The following CDH4 variants were observed in gnomAD, a reference collection of about 807,000 sequenced individuals.
CDH4 encodes cadherin 4.
Under a neutral mutation model 86.0 loss-of-function variants are expected in CDH4, and 33 were observed. The ratio of observed to expected loss-of-function variants is 0.38; its 90% CI spans 0.29 to 0.51. The LOEUF (loss-of-function observed/expected upper bound fraction) is 0.51. Among genes scored for constraint, CDH4 ranks in the 20% least tolerant of loss-of-function variants. The pLI is 0.86. For synonymous variants in CDH4, 555 were observed against 549.4 expected (o/e 1.01, Z -0.14); for missense variants, 1,114 against 1,307.4 (o/e 0.85, Z 2.28).
chr20:61,582,690 G>T lies in CDH4; in HGVS notation c.170-160873G>T, dbSNP rs1375184494. On this transcript the variant is annotated intron_variant, in intron 2 of 15. Transcript: ENST00000614565. The surrounding 1 kb of genome is among the most constrained non-coding windows in gnomAD (Gnocchi z 4.2). Reference sequence around the variant, plus strand: ...CAGGAGCCTGTCTTCTGAGGCTGGGGACACAAGCCAGCCCTGCAGGCTCCA... The same window carrying T: ...CAGGAGCCTGTCTTCTGAGGCTGGGTACACAAGCCAGCCCTGCAGGCTCCA... Among the ~76,000 whole-genome samples, 1 of 152,164 alleles carries T rather than the reference G, an allele frequency of 6.6e-6. No homozygotes were observed. The highest frequency in any genetic ancestry group is 1.5e-5 in the Non-Finnish European group (1 of 68,028).
chr20:61,335,647 G>T (rs2084612991), intron 2 of CDH4, among the ~76,000 whole-genome samples: 1 of 152,190 alleles, frequency 6.6e-6, no homozygotes, highest in African/African-American at 2.4e-5. Flanking sequence ...CGTGCAAATT[G>T]TCAGAAAACT....
rs1054043030 is a variant in CDH4, at chr20:61,663,361, C to T, written c.170-80202C>T. ...GGTGACGCTGGGGCAGGGGCTGCTG[C>T]GGACAAGCGTTGGGAGGCCTCTCTG... On this transcript the variant is annotated intron_variant, in intron 2 of 15. Coordinates refer to ENST00000614565, the MANE Select transcript of CDH4 (RefSeq NM_001794.5). The surrounding 1 kb of genome is among the most constrained non-coding windows in gnomAD (Gnocchi z 5.0). Among the ~76,000 whole-genome samples, 7 of 152,156 alleles carry T rather than the reference C, an allele frequency of 4.6e-5. No individual in the cohort carries two copies. The highest frequency in any genetic ancestry group is 1.4e-4 in the African/African-American group (6 of 41,428).
intron 2 of CDH4, among the ~76,000 whole-genome samples, chr20:61,598,357 G>A (rs1386052791): frequency 7.5e-6 from 1 of 132,846 alleles, no homozygotes; most frequent in Non-Finnish European, 1.6e-5. Context: ...CCCGGCCACT[G>A]TCACCTCAGG....
intron 4 of CDH4, among the ~76,000 whole-genome samples, chr20:61,814,089 G>C (rs73917522): frequency 6.6e-6 from 1 of 152,176 alleles, no homozygotes; most frequent in Non-Finnish European, 1.5e-5. Flanking sequence ...CATGTGCAGC[G>C]TGGGGAGGGG....
intron 2 of CDH4, among the ~76,000 whole-genome samples, chr20:61,549,043 A>G (rs2086108989): frequency 6.6e-6 from 1 of 152,168 alleles, no homozygotes; most frequent in Admixed American, 6.5e-5. Context: ...CCACGGGGGC[A>G]GGCAGATGTT....
rs766011788 is a variant in CDH4 at position 61,889,736 on chromosome 20, TGATG to T, written c.1051-5157_1051-5154del. On this transcript the variant is annotated intron_variant, in intron 7 of 15. Coordinates refer to ENST00000614565, the MANE Select transcript of CDH4 (RefSeq NM_001794.5). ...ATGGATGGATGGACAGACAGATGGATGATGGATGGATGGATGGATGCATGGATGG... is the reference window on the plus strand; with the variant it reads ...ATGGATGGATGGACAGACAGATGGATGATGGATGGATGGATGCATGGATGG... 4.4e-5 allele frequency among the ~76,000 whole-genome samples: 6 copies of T among 136,530 alleles called. No homozygotes were observed. The East Asian group carries it at 6.8e-4, about 15-fold the overall frequency. 89.6% of individuals were successfully genotyped at this position (136,530 alleles called of 152,430 possible).
At chr20:61,931,002 G>A (rs986306354) in intron 13 of CDH4, among the ~76,000 whole-genome samples, 5 of 152,246 alleles carry the variant, frequency 3.3e-5, no homozygotes, top group Non-Finnish European at 7.3e-5. Flanking sequence ...GGCATCCGCA[G>A]TGGGGCCGGG....
chr20:61,665,535 C>T (rs1421881137), intron 2 of CDH4, among the ~76,000 whole-genome samples: 1 of 152,178 alleles, frequency 6.6e-6, no homozygotes, highest in Non-Finnish European at 1.5e-5. Flanking sequence ...TTCGGAGAGC[C>T]GAGGTCCCCG....
intron 2 of CDH4, among the ~76,000 whole-genome samples, chr20:61,427,303 C>G (rs1294895445): frequency 6.6e-6 from 1 of 152,174 alleles, no homozygotes; most frequent in African/African-American, 2.4e-5. Context: ...GAACCCCTGG[C>G]CCATTTCTCC....
chr20:61,337,543 G>A (rs1304827221), intron 2 of CDH4, among the ~76,000 whole-genome samples: 2 of 151,906 alleles, frequency 1.3e-5, no homozygotes, highest in Non-Finnish European at 2.9e-5. Flanking sequence ...AAGCATGGTC[G>A]TGGTGGTGGT....
At chr20:61,610,538 T>C (rs1342604938) in intron 2 of CDH4, among the ~76,000 whole-genome samples, 1 of 152,176 alleles carries the variant, frequency 6.6e-6, no homozygotes, top group African/African-American at 2.4e-5. Flanking sequence ...TGCTGGGTCA[T>C]AGAGCAGTTC....
Position 61,345,627 on chromosome 20 carries a change from T to A in CDH4, c.169+90690T>A, listed in dbSNP as rs140248520. 9.8e-5 allele frequency among the ~76,000 whole-genome samples: 15 copies of A among 152,350 alleles called. No homozygotes were observed. In the East Asian group the frequency reaches 1.5e-3, roughly 16 times the overall value. ...ATTAGACAAGGAAATGTTGATTCAC[T>A]GCCTGTCAGGTTTACTTTCCCCTCT... is the stretch of plus-strand genomic sequence containing the variant. On this transcript the variant is annotated intron_variant, in intron 2 of 15. Transcript: ENST00000614565.
At chr20:61,880,012 G>A (rs1043175101) in intron 7 of CDH4, among the ~76,000 whole-genome samples, 18 of 152,172 alleles carry the variant, frequency 1.2e-4, no homozygotes, top group African/African-American at 3.9e-4. Flanking sequence ...CTCCCCGAAC[G>A]TCTTCAAGAC....
At chr20:61,285,632 A>G (rs1017879177) in intron 2 of CDH4, among the ~76,000 whole-genome samples, 2 of 152,266 alleles carry the variant, frequency 1.3e-5, no homozygotes, top group African/African-American at 4.8e-5. Flanking sequence ...ATTATTAACC[A>G]TTGATGGATA....
intron 2 of CDH4, among the ~76,000 whole-genome samples, chr20:61,508,195 GA>G (rs1286478190): frequency 6.6e-6 from 1 of 152,232 alleles, no homozygotes; most frequent in Non-Finnish European, 1.5e-5. Flanking sequence ...CGCCTCCTAA[GA>G]GTGGAAGTAA....
rs774623276 is a variant in CDH4, at chr20:61,431,881, T to C, written c.169+176944T>C. ...GGCATCTTCTGCAGTTTTATGTAAATGGGGTAGTAGGGAATATACTTTTTT... is the reference window on the plus strand; with the variant it reads ...GGCATCTTCTGCAGTTTTATGTAAACGGGGTAGTAGGGAATATACTTTTTT... On this transcript the variant is annotated intron_variant, in intron 2 of 15. Coordinates refer to ENST00000614565, the MANE Select transcript of CDH4 (RefSeq NM_001794.5). Among the ~76,000 whole-genome samples, 4 of 152,032 alleles carry C rather than the reference T, an allele frequency of 2.6e-5. No individual in the cohort carries two copies. In the South Asian group the frequency reaches 8.3e-4, roughly 32 times the overall value.
At chr20:61,290,562 A>T (rs8114981) in intron 2 of CDH4, among the ~76,000 whole-genome samples, 10,640 of 152,340 alleles carry the variant, frequency 0.07, 408 homozygotes, top group African/African-American at 0.099. Flanking sequence ...AATTGATGGC[A>T]TGGCAGACAG....
intron 2 of CDH4, among the ~76,000 whole-genome samples, chr20:61,571,091 T>C (rs1257635509): frequency 6.6e-6 from 1 of 152,008 alleles, no homozygotes; most frequent in Non-Finnish European, 1.5e-5. Context: ...CCAACAGGGG[T>C]TTCTCCCCCA....
chr20:61,278,401 G>A (rs116216949), intron 2 of CDH4, among the ~76,000 whole-genome samples: 183 of 152,344 alleles, frequency 1.2e-3, no homozygotes, highest in African/African-American at 4.2e-3. Context: ...GGATGTGCTG[G>A]TGTTGTGGCC....
Sources: allele counts gnomAD v4.1 joint callset (sites outside exome capture counted in the v4.1 genomes callset), GRCh38; gene constraint gnomAD v4.1.1; non-coding constraint Gnocchi (gnomAD v3.1); transcripts MANE v1.5; gene names NCBI Gene and HGNC (gene_info 2026-07-23, HGNC 2026-07-21).